Variants in CEP112 observed in about 807,000 individuals in gnomAD.
CEP112 encodes centrosomal protein of 112 kDa.
A neutral mutation model predicts 153.0 loss-of-function variants in CEP112; 127 were observed. The ratio of observed to expected loss-of-function variants is 0.83; its 90% CI spans 0.72 to 0.96. CEP112 has a LOEUF of 0.96. CEP112 is among the 40% of genes least tolerant of loss of function. CEP112 has a pLI of 0.00. For missense variants in CEP112, 1,089 were observed against 1,101.2 expected (o/e 0.99, Z 0.16); for synonymous variants, 358 against 374.4 (o/e 0.96, Z 0.51).
At position 65,755,715 on chromosome 17, in the gene CEP112, A is replaced by G. The variant is rs146867857; in HGVS notation, c.2395-4991T>C. 5.1e-3 allele frequency among the ~76,000 whole-genome samples: 768 copies of G among 152,076 alleles called. 5 individuals are homozygous for G. Among genetic ancestry groups the G allele is most frequent in the African/African-American group, 0.018 (733 of 41,456 alleles). On this transcript the variant is annotated intron_variant, in intron 21 of 26. Transcript: ENST00000535342. ...AAGAGATGAGTCAAGGATGACTTCA[A>G]GATTTTTGTCCTAAGCAACTAGATG...
chr17:65,890,089 G>A (rs1286752424), intron 20 of CEP112, among the ~76,000 whole-genome samples: 5 of 152,128 alleles, frequency 3.3e-5, no homozygotes, highest in South Asian at 2.1e-4. Context: ...TATTTTTAAA[G>A]ACAAAATTCA....
chr17:65,913,414 A>T, intron 19 of CEP112: 1 of 761,288 alleles, frequency 1.3e-6, no homozygotes, highest in Non-Finnish European at 1.6e-6. Context: ...GAGTAAAGAT[A>T]CATTTTAGCA....
intron 24 of CEP112, among the ~76,000 whole-genome samples, chr17:65,669,944 G>T (rs942989599): frequency 4.6e-5 from 7 of 151,750 alleles, no homozygotes; most frequent in African/African-American, 1.7e-4. Context: ...AATTATGCTG[G>T]GGTAAGAAGT....
intron 22 of CEP112, among the ~76,000 whole-genome samples, chr17:65,747,569 A>C (rs1223505082): frequency 1.3e-5 from 2 of 152,148 alleles, no homozygotes; most frequent in African/African-American, 4.8e-5. Flanking sequence ...ATACATAATC[A>C]CTTATTATTT....
intron 21 of CEP112, among the ~76,000 whole-genome samples, chr17:65,795,882 T>C (rs1055471685): frequency 2.0e-5 from 3 of 152,106 alleles, no homozygotes; most frequent in East Asian, 3.9e-4. Context: ...TCTTCAATGG[T>C]GCCTAATCCA....
chr17:66,061,618 A>G (rs1236232160), intron 11 of CEP112, among the ~76,000 whole-genome samples: 2 of 152,024 alleles, frequency 1.3e-5, no homozygotes, highest in Admixed American at 1.3e-4. Flanking sequence ...CATCCATAAC[A>G]AAGAATGAAA....
rs182577401 is a variant in CEP112 at position 65,862,442 on chromosome 17, G to T, written c.2164-10408C>A. Among the ~76,000 whole-genome samples, 442 of 152,192 alleles carry T rather than the reference G, an allele frequency of 2.9e-3. 2 individuals are homozygous for T. Among genetic ancestry groups the T allele is most frequent in the African/African-American group, 0.01 (417 of 41,522 alleles). ...TCTATACTAAAAATACAAAAAATTA[G>T]CCGGGCGTGGTGGTGGGCACCTGTA... On this transcript the variant is annotated intron_variant, in intron 20 of 26. Transcript: ENST00000535342.
chr17:65,643,447 A>G (rs1598171149), intron 24 of CEP112, among the ~76,000 whole-genome samples: 2 of 143,960 alleles, frequency 1.4e-5, no homozygotes, highest in Non-Finnish European at 3.0e-5. Context: ...ACAAGCACGC[A>G]CCACCACACC....
intron 21 of CEP112, among the ~76,000 whole-genome samples, chr17:65,844,002 G>T (rs1186733811): frequency 6.6e-6 from 1 of 152,048 alleles, no homozygotes; most frequent in African/African-American, 2.4e-5. Context: ...AAATATAAAA[G>T]GAGTTTATTA....
chr17:65,675,910 G>T (rs1057039881), intron 24 of CEP112, among the ~76,000 whole-genome samples: 1 of 152,048 alleles, frequency 6.6e-6, no homozygotes, highest in Non-Finnish European at 1.5e-5. Context: ...ACATCTACTT[G>T]TGATTTTAAA....
chr17:66,045,315 C>T (rs145635359), intron 12 of CEP112, among the ~76,000 whole-genome samples: 2,894 of 152,260 alleles, frequency 0.019, 39 homozygotes, highest in Middle Eastern at 0.031. Flanking sequence ...AGTGATCCAC[C>T]TGCCTCAGCC....
Position 65,673,570 on chromosome 17 carries a change from C to T in CEP112, c.2697+15559G>A, listed in dbSNP as rs1598277238. ...CCTCCTTCAGGGGCCATTCTGTCTACCCCAATCCTTCTCCCACATAATATA... is the reference window on the plus strand; with the variant it reads ...CCTCCTTCAGGGGCCATTCTGTCTATCCCAATCCTTCTCCCACATAATATA... On this transcript the variant is annotated intron_variant, in intron 24 of 26. Transcript: ENST00000535342. Among the ~76,000 whole-genome samples, 5 of 152,234 alleles carry T rather than the reference C, an allele frequency of 3.3e-5. No individual in the cohort carries two copies. The South Asian group carries it at 1.0e-3, about 32-fold the overall frequency.
chr17:65,861,129 G>T (rs544780439), intron 20 of CEP112, among the ~76,000 whole-genome samples: 3 of 152,304 alleles, frequency 2.0e-5, no homozygotes, highest in Admixed American at 1.3e-4. Context: ...GACCATTAAT[G>T]GGTCTGAGTT....
intron 21 of CEP112, among the ~76,000 whole-genome samples, chr17:65,804,025 A>G (rs1157972036): frequency 6.6e-6 from 1 of 152,220 alleles, no homozygotes; most frequent in Non-Finnish European, 1.5e-5. Context: ...ACATTTCTTT[A>G]GAACAGATCC....
rs28529257 is a variant in CEP112 at position 65,831,283 on chromosome 17, C to T, written c.2394+20521G>A. ...AAGAATTTCAGAAAATCAGGCCAGG[C>T]GCAGTGGCTCATGCCTGTAATCCCA... On this transcript the variant is annotated intron_variant, in intron 21 of 26. Coordinates refer to ENST00000535342, the MANE Select transcript of CEP112 (RefSeq NM_001199165.4). 3.1e-3 allele frequency among the ~76,000 whole-genome samples: 474 copies of T among 152,290 alleles called. 3 individuals are homozygous for T. Among genetic ancestry groups the T allele is most frequent in the African/African-American group, 0.011 (449 of 41,548 alleles).
chr17:65,651,373 C>G (rs373714226), intron 24 of CEP112, among the ~76,000 whole-genome samples: 1 of 152,122 alleles, frequency 6.6e-6, no homozygotes, highest in Non-Finnish European at 1.5e-5. Context: ...TTTATGCACC[C>G]CTTGTGAATT....
intron 18 of CEP112, among the ~76,000 whole-genome samples, chr17:65,936,142 G>A (rs527399730): frequency 5.2e-4 from 79 of 152,238 alleles, no homozygotes; most frequent in South Asian, 1.9e-3. Context: ...TATAGCTGAG[G>A]AAACAGATGA....
chr17:65,699,798 TG>T (rs757606926), intron 23 of CEP112, among the ~76,000 whole-genome samples: 109 of 152,284 alleles, frequency 7.2e-4, no homozygotes, highest in Non-Finnish European at 1.3e-3. Context: ...TGGCTGTTTT[TG>T]TTGGCCACAT....
chr17:65,861,068 T>C (rs1052357582), intron 20 of CEP112, among the ~76,000 whole-genome samples: 1 of 152,202 alleles, frequency 6.6e-6, no homozygotes, highest in Non-Finnish European at 1.5e-5. Context: ...TAGAGATAGA[T>C]TAGATTAGTG....
Sources: gnomAD v4.1 joint callset for allele counts (sites outside exome capture counted in the v4.1 genomes callset) on GRCh38, gnomAD v4.1.1 for gene constraint, MANE v1.5 for transcripts, NCBI Gene and HGNC (gene_info 2026-07-23, HGNC 2026-07-21) for gene names.